KIRREL3: variants seen among roughly 807,000 people sequenced by gnomAD.
KIRREL3 encodes kirre like nephrin family adhesion molecule 3.
A neutral mutation model predicts 89.7 loss-of-function variants in KIRREL3; 36 were observed. That is an observed-to-expected ratio of 0.40 (90% CI 0.31 to 0.53). The LOEUF (loss-of-function observed/expected upper bound fraction) is 0.53. Ranked by LOEUF, KIRREL3 falls within the 20% of genes least tolerant of loss-of-function variation. KIRREL3 has a pLI of 0.49. For missense variants in KIRREL3, 864 were observed against 1,056.6 expected, an observed-to-expected ratio of 0.82 and a Z score of 2.53; for synonymous variants, 445 against 441.4, an observed-to-expected ratio of 1.01 and a Z score of -0.10.
chr11:126,450,507 A>G lies in KIRREL3; in HGVS notation c.849-1350T>C, dbSNP rs369693423. On this transcript the variant is annotated intron_variant, in intron 7 of 16. Coordinates refer to ENST00000525144, the MANE Select transcript of KIRREL3 (RefSeq NM_032531.4). Reference sequence around the variant, plus strand: ...TGGGTGTGAGTGTGTGCATGTGTGCATGTGTGTGTGTGCATCTGCGTATGT... The same window carrying G: ...TGGGTGTGAGTGTGTGCATGTGTGCGTGTGTGTGTGTGCATCTGCGTATGT... 1.7e-4 allele frequency among the ~76,000 whole-genome samples: 21 copies of G among 120,562 alleles called. 1 individual carries two copies. The highest frequency in any genetic ancestry group is 1.6e-3 in the Admixed American group (21 of 12,838). The allele number at this position is 120,562 out of a possible 152,430, so 79.1% of individuals were successfully genotyped here.
Position 126,687,087 on chromosome 11 carries a change from T to C in KIRREL3, c.56-124175A>G, listed in dbSNP as rs544106022. ...TGGTTGGGGCCAAGACCACAACACGTGTTCAAGGTATGTCTAAGAAGGCTC... is the reference window on the plus strand; with the variant it reads ...TGGTTGGGGCCAAGACCACAACACGCGTTCAAGGTATGTCTAAGAAGGCTC... On this transcript the variant is annotated intron_variant, in intron 1 of 16. Transcript: ENST00000525144. This position sits in a 1 kb window ranked among gnomAD's most constrained non-coding sequence, Gnocchi z 4.6. Among the ~76,000 whole-genome samples the C allele has an allele frequency of 6.4e-4, 98 of 152,238 alleles. No homozygotes were observed. Among genetic ancestry groups the C allele is most frequent in the Non-Finnish European group, 1.1e-3 (73 of 68,028 alleles).
intron 7 of KIRREL3, among the ~76,000 whole-genome samples, chr11:126,451,571 C>CAT (rs1293903527): frequency 2.8e-5 from 2 of 71,492 alleles, no homozygotes; most frequent in East Asian, 1.7e-3. Context: ...TGATCATGTG[C>CAT]ATGTGTGTGT....
chr11:126,455,723 G>A lies in KIRREL3; in HGVS notation c.848+626C>T, dbSNP rs1411605186. ...AGGCGGGAGAATGGCGTGAACCCAG[G>A]AGGCAGAGCTTGCCAGTGAGCTGAG... On this transcript the variant is annotated intron_variant, in intron 7 of 16. Coordinates refer to ENST00000525144, the MANE Select transcript of KIRREL3 (RefSeq NM_032531.4). This position sits in a 1 kb window ranked among gnomAD's most constrained non-coding sequence, Gnocchi z 6.4. 6.6e-6 allele frequency among the ~76,000 whole-genome samples: 1 copy of A among 152,188 alleles called. No homozygotes were observed. Among genetic ancestry groups the A allele is most frequent in the Non-Finnish European group, 1.5e-5 (1 of 68,034 alleles).
intron 1 of KIRREL3, among the ~76,000 whole-genome samples, chr11:126,675,857 G>A (rs1946164390): frequency 6.6e-6 from 1 of 152,168 alleles, no homozygotes; most frequent in Admixed American, 6.5e-5. Flanking sequence ...CTGGAAGCTT[G>A]GAGGCCACTT....
rs1479404444 is a variant in KIRREL3 at position 126,496,116 on chromosome 11, CTG to C, written c.434-22652_434-22651del. Among the ~76,000 whole-genome samples the C allele has an allele frequency of 6.6e-6, 1 of 152,166 alleles. No homozygotes were observed. The highest frequency in any genetic ancestry group is 1.5e-5 in the Non-Finnish European group (1 of 68,032). Reference sequence around the variant, plus strand: ...GGCTCAGTTTCTTGACCTGCAGAAACTGTGAGAGCTAAGAAATGATTCCTGTA... The same window carrying C: ...GGCTCAGTTTCTTGACCTGCAGAAACTGAGAGCTAAGAAATGATTCCTGTA... On this transcript the variant is annotated intron_variant, in intron 4 of 16. Transcript: ENST00000525144. This position sits in a 1 kb window ranked among gnomAD's most constrained non-coding sequence, Gnocchi z 4.9.
intron 1 of KIRREL3, among the ~76,000 whole-genome samples, chr11:126,821,939 G>T (rs1437440849): frequency 6.6e-6 from 1 of 152,290 alleles, no homozygotes; most frequent in East Asian, 1.9e-4. Context: ...CAGACACATT[G>T]ATTTAATTCC....
At position 126,531,120 on chromosome 11, in the gene KIRREL3, G is replaced by T. The variant is rs1340544388; in HGVS notation, c.134-4433C>A. On this transcript the variant is annotated intron_variant, in intron 2 of 16. Coordinates refer to ENST00000525144, the MANE Select transcript of KIRREL3 (RefSeq NM_032531.4). The surrounding 1 kb of genome is among the most constrained non-coding windows in gnomAD (Gnocchi z 4.7). ...TGGGATTACGAGCGTGAGCCACCAT[G>T]CCCGGCCCCATGCTTTGTTTTGAGT... Among the ~76,000 whole-genome samples the T allele has an allele frequency of 6.6e-6, 1 of 152,116 alleles. No homozygotes were observed. The highest frequency in any genetic ancestry group is 1.9e-4 in the East Asian group (1 of 5,172).
Position 126,513,469 on chromosome 11 carries a change from G to C in KIRREL3, c.433+7846C>G, listed in dbSNP as rs1377440035. On this transcript the variant is annotated intron_variant, in intron 4 of 16. Coordinates refer to ENST00000525144, the MANE Select transcript of KIRREL3 (RefSeq NM_032531.4). This position sits in a 1 kb window ranked among gnomAD's most constrained non-coding sequence, Gnocchi z 5.9. Reference sequence around the variant, plus strand: ...CCTGCCTGCCCTTCTCCACACTCAGGCAGGGAAGGGAAAAGATGCGCTGAG... The same window carrying C: ...CCTGCCTGCCCTTCTCCACACTCAGCCAGGGAAGGGAAAAGATGCGCTGAG... Among the ~76,000 whole-genome samples, 2 of 152,144 alleles carry C rather than the reference G, an allele frequency of 1.3e-5. No homozygotes were observed. The highest frequency in any genetic ancestry group is 2.9e-5 in the Non-Finnish European group (2 of 68,022).
intron 7 of KIRREL3, among the ~76,000 whole-genome samples, chr11:126,451,528 G>A (rs1395593194): frequency 6.7e-6 from 1 of 149,672 alleles, no homozygotes; most frequent in Admixed American, 6.6e-5. Flanking sequence ...GTGAGTGGGT[G>A]CATGTGTGAG....
chr11:126,821,054 G>A (rs4421760), intron 1 of KIRREL3, among the ~76,000 whole-genome samples: 131,194 of 151,920 alleles, frequency 0.86, 57,002 homozygotes, highest in East Asian at 1. Flanking sequence ...GACTGCAAAA[G>A]GTTGATGCAC....
intron 1 of KIRREL3, among the ~76,000 whole-genome samples, chr11:126,637,035 G>C (rs1354249332): frequency 6.6e-6 from 1 of 152,130 alleles, no homozygotes; most frequent in Non-Finnish European, 1.5e-5. Flanking sequence ...TAGTCTCAAT[G>C]CCTGCTTAGG....
intron 1 of KIRREL3, among the ~76,000 whole-genome samples, chr11:126,693,375 T>C (rs1051363848): frequency 3.9e-5 from 6 of 152,116 alleles, no homozygotes; most frequent in African/African-American, 1.2e-4. Flanking sequence ...GAGCTGAGAT[T>C]GCGCCATTGT....
intron 5 of KIRREL3, among the ~76,000 whole-genome samples, chr11:126,465,189 G>C (rs1043833825): frequency 1.3e-5 from 2 of 152,114 alleles, no homozygotes; most frequent in Admixed American, 6.5e-5. Flanking sequence ...TGTTTCCCCC[G>C]ACTGGAGCCA....
Position 126,768,158 on chromosome 11 carries a change from ATCCATCCATCCAATCCATCC to A in KIRREL3, c.56-205266_56-205247del, listed in dbSNP as rs1448811784. On this transcript the variant is annotated intron_variant, in intron 1 of 16. Transcript: ENST00000525144. The surrounding 1 kb of genome is among the most constrained non-coding windows in gnomAD (Gnocchi z 4.5). ...TATCCATCCATCCATCCATCCATCC[ATCCATCCATCCAATCCATCC>A]ATCCATCCATCCATCCATCCATCCA... Among the ~76,000 whole-genome samples the A allele has an allele frequency of 7.6e-6, 1 of 130,924 alleles. No individual in the cohort carries two copies. Among genetic ancestry groups the A allele is most frequent in the Admixed American group, 8.1e-5 (1 of 12,334 alleles). 85.9% of individuals were successfully genotyped at this position (130,924 alleles called of 152,430 possible).
rs1937832667 is a variant in KIRREL3, at chr11:126,535,987, A to C, written c.134-9300T>G. On this transcript the variant is annotated intron_variant, in intron 2 of 16. Transcript: ENST00000525144. This position sits in a 1 kb window ranked among gnomAD's most constrained non-coding sequence, Gnocchi z 4.5. ...GGGACAGAGTGAGACTCCATCACAA[A>C]AAAAAAGATTTTGGTTGAATGAATT... 1.3e-5 allele frequency among the ~76,000 whole-genome samples: 2 copies of C among 151,728 alleles called. No individual in the cohort carries two copies. The highest frequency in any genetic ancestry group is 2.1e-4 in the South Asian group (1 of 4,796).
At chr11:126,532,181 G>T (rs2134460649) in intron 2 of KIRREL3, among the ~76,000 whole-genome samples, 1 of 152,264 alleles carries the variant, frequency 6.6e-6, no homozygotes, top group Admixed American at 6.5e-5. Context: ...CAGAAATGCA[G>T]GGACTTGCAC....
At chr11:126,505,305 C>T (rs527885655) in intron 4 of KIRREL3, among the ~76,000 whole-genome samples, 19 of 152,344 alleles carry the variant, frequency 1.2e-4, no homozygotes, top group African/African-American at 4.1e-4. Context: ...CACAGTGGCT[C>T]ACACTTGTAA....
At chr11:126,934,110 T>C (rs1475794036) in intron 1 of KIRREL3, among the ~76,000 whole-genome samples, 1 of 152,272 alleles carries the variant, frequency 6.6e-6, no homozygotes. Flanking sequence ...GACAAAACTA[T>C]AGACATATGG....
chr11:126,472,858 A>C (rs888410125), intron 5 of KIRREL3, among the ~76,000 whole-genome samples: 1 of 151,444 alleles, frequency 6.6e-6, no homozygotes, highest in African/African-American at 2.4e-5. Flanking sequence ...GAGAGAAACC[A>C]AAAGGGGCAG....
Sources: allele counts gnomAD v4.1 joint callset (sites outside exome capture counted in the v4.1 genomes callset), GRCh38; gene constraint gnomAD v4.1.1; non-coding constraint Gnocchi (gnomAD v3.1); transcripts MANE v1.5; gene names NCBI Gene and HGNC (gene_info 2026-07-23, HGNC 2026-07-21).